Variants in ZNF761 observed in about 807,000 individuals in gnomAD.
The protein encoded by ZNF761 is zinc finger protein 761.
ZNF761 carries 43 observed loss-of-function variants against 59.9 expected under a neutral mutation model. That is an observed-to-expected ratio of 0.72 (90% CI 0.56 to 0.92). The LOEUF is 0.92. ZNF761 is among the 40% of genes least tolerant of loss of function. The probability of loss-of-function intolerance (pLI) is 0.00; values close to 1 mark genes in which losing one functional copy is unlikely to be tolerated. For synonymous variants in ZNF761, 294 were observed against 304.8 expected (o/e 0.96, Z 0.37); for missense variants, 850 against 906.1 (o/e 0.94, Z 0.79).
rs370034728 is a variant in ZNF761, at chr19:53,456,013, C to G, written c.1506C>G (p.Thr502=). 2 of 1,613,652 alleles carry G rather than the reference C, an allele frequency of 1.2e-6. No individual in the cohort carries two copies. Among genetic ancestry groups the G allele is most frequent in the African/African-American group, 2.7e-5 (2 of 74,796 alleles). Residue 502 remains threonine (T), a synonymous_variant, in exon 5 of 5, where the codon ACC becomes ACG. Transcript: ENST00000684525. ...ACAAGTGTAATGAGTGTGGCAAGACCTTTAGTCGGAAGTCATACCTCACAT... is the reference window on the plus strand; with the variant it reads ...ACAAGTGTAATGAGTGTGGCAAGACGTTTAGTCGGAAGTCATACCTCACAT... ...KPYKCNECGK[T]FSRKSYLTCH...
intron 1 of ZNF761, 132 bp downstream of exon 1, chr19:53,432,160 C>T (rs1309837969): frequency 1.3e-5 from 2 of 152,340 alleles, no homozygotes; most frequent in African/African-American, 2.4e-5. Context: ...TTGAGACGAC[C>T]TCGTGAGAGG....
chr19:53,439,142 G>A (rs1133125), intron 1 of ZNF761, among the ~76,000 whole-genome samples: 7,851 of 151,960 alleles, frequency 0.052, 453 homozygotes, highest in African/African-American at 0.14. Context: ...ATGGTGGCAG[G>A]CGCCTGTAAT....
chr19:53,452,566 A>G (rs2086231257), intron 4 of ZNF761, among the ~76,000 whole-genome samples: 2 of 152,112 alleles, frequency 1.3e-5, no homozygotes, highest in Non-Finnish European at 2.9e-5. Context: ...CTCAAACACA[A>G]ACAAAAAGAG....
rs1275218120 is a variant in ZNF761, at chr19:53,441,897, G to A, written c.-184-4330G>A. 111 of 1,573,770 alleles carry A rather than the reference G, an allele frequency of 7.1e-5. 5 individuals are homozygous for A. The South Asian group carries it at 9.9e-4, about 14-fold the overall frequency. On this transcript the variant is annotated intron_variant, in intron 1 of 4. Transcript: ENST00000684525. ...ATCACCACCATCGAGGCAGTGAAGC[G>A]CAAGATCCAGGTTCTGCAGCACCAG...
chr19:53,448,177 T>C (rs1386256304), intron 3 of ZNF761, among the ~76,000 whole-genome samples: 1 of 152,146 alleles, frequency 6.6e-6, no homozygotes, highest in Non-Finnish European at 1.5e-5. Flanking sequence ...AATTTTGTTG[T>C]ATTTTTATTA....
chr19:53,437,478 A>T (rs555418635), intron 1 of ZNF761, among the ~76,000 whole-genome samples: 80 of 152,200 alleles, frequency 5.3e-4, no homozygotes, highest in African/African-American at 1.8e-3. Flanking sequence ...CATACATTTT[A>T]TATCTTCTTG....
In ZNF761 at chr19:53,455,186, A is replaced by T; in HGVS notation, c.679A>T (p.Ser227Cys). 6.2e-7 allele frequency: 1 copy of T among 1,614,222 alleles called. No homozygotes were observed. Among genetic ancestry groups the T allele is most frequent in the Non-Finnish European group, 8.5e-7 (1 of 1,180,042 alleles). Reference sequence around the variant, plus strand: ...TGAGAGTGGCAAAGCCTTTAATTACAGCTCACTCTTAAGGAAACATCAGAT... The same window carrying T: ...TGAGAGTGGCAAAGCCTTTAATTACTGCTCACTCTTAAGGAAACATCAGAT... ...CNESGKAFNY[S>C]SLLRKHQIIH... Residue 227 changes from serine (S) to cysteine (C), a missense_variant, in exon 5 of 5, where the codon AGC becomes TGC. By Grantham distance (112) the Ser-to-Cys change is moderately radical. Transcript: ENST00000684525.
chr19:53,450,029 G>A, intron 4 of ZNF761: 1 of 438,276 alleles, frequency 2.3e-6, no homozygotes, highest in Non-Finnish European at 4.0e-6. Context: ...GTGTGGCCGG[G>A]CTTGGTGGCT....
At position 53,447,294 on chromosome 19, in the gene ZNF761, A is replaced by G. The variant is rs2086170964; in HGVS notation, c.15+11A>G. 1 of 1,613,036 alleles carries G rather than the reference A, an allele frequency of 6.2e-7. No homozygotes were observed. Among genetic ancestry groups the G allele is most frequent in the Non-Finnish European group, 8.5e-7 (1 of 1,179,456 alleles). On this transcript the variant is annotated intron_variant, in intron 3 of 4. Coordinates refer to ENST00000684525, the MANE Select transcript of ZNF761 (RefSeq NM_001289951.2). Reference sequence around the variant, plus strand: ...ATGGCTTTTTCTCAGGTGAGATGATATTTTCAGTGGATTGTTCTGTCTCCT... The same window carrying G: ...ATGGCTTTTTCTCAGGTGAGATGATGTTTTCAGTGGATTGTTCTGTCTCCT...
chr19:53,433,129 A>G (rs1223796257), intron 1 of ZNF761, among the ~76,000 whole-genome samples: 1 of 152,032 alleles, frequency 6.6e-6, no homozygotes, highest in Non-Finnish European at 1.5e-5. Flanking sequence ...AGGACTAGAC[A>G]GACTGATATG....
chr19:53,439,910 G>C (rs1425543612), intron 1 of ZNF761, among the ~76,000 whole-genome samples: 1 of 152,092 alleles, frequency 6.6e-6, no homozygotes, highest in Non-Finnish European at 1.5e-5. Context: ...GCTACTACTG[G>C]TGCATGATTT....
Position 53,455,091 on chromosome 19 carries a change from A to G in ZNF761, c.584A>G (p.Asn195Ser), listed in dbSNP as rs112190418. ...CATATATCTAATAACCATGGGAATA[A>G]TTTCTGGAATTCTTCATTACTCACA... Reference protein sequence around the residue: ...KTHISNNHGNNFWNSSLLTQK... With the variant: ...KTHISNNHGNSFWNSSLLTQK... Residue 195 changes from asparagine to serine, a missense_variant, in exon 5 of 5, where the codon AAT becomes AGT. Coordinates refer to ENST00000684525, the MANE Select transcript of ZNF761 (RefSeq NM_001289951.2). The G allele has an allele frequency of 4.3e-6, 7 of 1,614,198 alleles. No individual in the cohort carries two copies. Among genetic ancestry groups the G allele is most frequent in the African/African-American group, 4.0e-5 (3 of 75,068 alleles).
chr19:53,451,239 T>C (rs1388910772), intron 4 of ZNF761, among the ~76,000 whole-genome samples: 1 of 152,220 alleles, frequency 6.6e-6, no homozygotes, highest in Non-Finnish European at 1.5e-5. Context: ...AGATGAAGTT[T>C]TGTTCTTGTC....
rs182066350 is a variant in ZNF761 at position 53,443,267 on chromosome 19, G to A, written c.-184-2960G>A. 1.1e-3 allele frequency: 180 copies of A among 156,556 alleles called. No individual in the cohort carries two copies. In the Middle Eastern group the frequency reaches 0.016, roughly 14 times the overall value. 9.7% of individuals were successfully genotyped at this position (156,556 alleles called of 1,614,324 possible). Reference sequence around the variant, plus strand: ...AACATCTTGAGCTGTGAGCTATTAAGTGCATGTTTCCCTCAAGGCCCTCTG... The same window carrying A: ...AACATCTTGAGCTGTGAGCTATTAAATGCATGTTTCCCTCAAGGCCCTCTG... On this transcript the variant is annotated intron_variant, in intron 1 of 4. Coordinates refer to ENST00000684525, the MANE Select transcript of ZNF761 (RefSeq NM_001289951.2).
chr19:53,434,269 C>G (rs1486239891), intron 1 of ZNF761, among the ~76,000 whole-genome samples: 1 of 152,100 alleles, frequency 6.6e-6, no homozygotes, highest in Non-Finnish European at 1.5e-5. Flanking sequence ...TATGTATTTC[C>G]TTATGTCTAT....
intron 1 of ZNF761, chr19:53,444,277 C>A (rs187559940): frequency 6.6e-6 from 1 of 152,178 alleles, no homozygotes; most frequent in Non-Finnish European, 1.5e-5. Flanking sequence ...GTCTCCTGCT[C>A]GTCCTGGCAA....
chr19:53,448,844 A>G, intron 3 of ZNF761, among the ~76,000 whole-genome samples: 1 of 148,906 alleles, frequency 6.7e-6, no homozygotes. Context: ...GGGATTTCAG[A>G]TCATTGCAAC....
intron 4 of ZNF761, chr19:53,450,148 G>A (rs10775561): frequency 5.7e-5 from 13 of 229,266 alleles, no homozygotes; most frequent in Middle Eastern, 1.4e-3. Context: ...ACTAAAAATA[G>A]AAAAATTAGC....
At chr19:53,435,960 G>C (rs1326266651) in intron 1 of ZNF761, among the ~76,000 whole-genome samples, 1 of 152,188 alleles carries the variant, frequency 6.6e-6, no homozygotes, top group Non-Finnish European at 1.5e-5. Context: ...TCAGCTTCTG[G>C]TGTGTGACTA....
Sources: gnomAD v4.1 joint callset for allele counts (sites outside exome capture counted in the v4.1 genomes callset) on GRCh38, gnomAD v4.1.1 for gene constraint, MANE v1.5 for transcripts, NCBI Gene and HGNC (gene_info 2026-07-23, HGNC 2026-07-21) for gene names.